Variants in CSMD1 observed in about 807,000 individuals in gnomAD.
CSMD1 encodes CUB and sushi domain-containing protein 1.
A neutral mutation model predicts 417.5 loss-of-function variants in CSMD1; 213 were observed. The observed-to-expected ratio is 0.51, with a 90% CI of 0.46 to 0.57. CSMD1 has a LOEUF of 0.57. Ranked by LOEUF, CSMD1 falls within the 20% of genes least tolerant of loss-of-function variation. The pLI, the probability that CSMD1 is intolerant of heterozygous loss-of-function variation, is 0.00. For synonymous variants in CSMD1, 2,862 were observed against 1,736.8 expected (o/e 1.65, Z -16.11); for missense variants, 6,923 against 4,529.7 (o/e 1.53, Z -15.17).
intron 2 of CSMD1, among the ~76,000 whole-genome samples, chr8:4,453,305 A>C (rs1424927881): frequency 6.6e-6 from 1 of 151,928 alleles, no homozygotes; most frequent in Non-Finnish European, 1.5e-5. Flanking sequence ...ACTGGCAATC[A>C]ACTGTCCCCA....
chr8:3,971,701 C>T (rs1174666097), intron 5 of CSMD1, among the ~76,000 whole-genome samples: 1 of 152,116 alleles, frequency 6.6e-6, no homozygotes, highest in Non-Finnish European at 1.5e-5. Context: ...TGCAAGGATA[C>T]GAGCCTCTTC....
intron 10 of CSMD1, among the ~76,000 whole-genome samples, chr8:3,496,772 C>T (rs184115615): frequency 1.3e-5 from 2 of 152,018 alleles, no homozygotes; most frequent in East Asian, 1.9e-4. Context: ...GTTGCAGTGA[C>T]CTGAGATCAC....
intron 5 of CSMD1, among the ~76,000 whole-genome samples, chr8:3,927,889 C>T (rs138224513): frequency 8.2e-4 from 124 of 152,086 alleles, no homozygotes; most frequent in African/African-American, 2.9e-3. Context: ...ATATGAGAGT[C>T]GAAGGTTACC....
intron 5 of CSMD1, among the ~76,000 whole-genome samples, chr8:3,911,064 G>C (rs1349107140): frequency 6.6e-6 from 1 of 152,146 alleles, no homozygotes; most frequent in African/African-American, 2.4e-5. Context: ...TCTAGAAATT[G>C]GAGATGACCA....
At chr8:3,159,349 CA>C (rs1250961869) in intron 38 of CSMD1, among the ~76,000 whole-genome samples, 1 of 152,102 alleles carries the variant, frequency 6.6e-6, no homozygotes, top group Non-Finnish European at 1.5e-5. Context: ...CTAGTTTTTA[CA>C]CCAATGGGAA....
At chr8:3,632,378 T>C (rs1796827667) in intron 7 of CSMD1, among the ~76,000 whole-genome samples, 1 of 152,060 alleles carries the variant, frequency 6.6e-6, no homozygotes, top group Non-Finnish European at 1.5e-5. Flanking sequence ...CTCAATGACT[T>C]ATTGAATCAA....
chr8:4,125,170 T>C (rs552460498), intron 3 of CSMD1, among the ~76,000 whole-genome samples: 1 of 151,972 alleles, frequency 6.6e-6, no homozygotes, highest in Non-Finnish European at 1.5e-5. Flanking sequence ...AAAAGGAAGA[T>C]AACTCTTGGG....
chr8:4,315,823 G>T (rs1234207343), intron 3 of CSMD1, among the ~76,000 whole-genome samples: 1 of 152,064 alleles, frequency 6.6e-6, no homozygotes, highest in Non-Finnish European at 1.5e-5. Context: ...TTATTCTTCA[G>T]AAGCGTTTTC....
At chr8:4,338,438 A>C (rs549553050) in intron 3 of CSMD1, among the ~76,000 whole-genome samples, 4 of 152,250 alleles carry the variant, frequency 2.6e-5, no homozygotes, top group African/African-American at 7.2e-5. Context: ...AGAGCCATGC[A>C]AACAAGAAAC....
intron 2 of CSMD1, among the ~76,000 whole-genome samples, chr8:4,435,145 A>G (rs1191445110): frequency 6.6e-6 from 1 of 152,196 alleles, no homozygotes; most frequent in East Asian, 1.9e-4. Flanking sequence ...TATCAGTAAT[A>G]TATTATTTTT....
intron 2 of CSMD1, among the ~76,000 whole-genome samples, chr8:4,455,929 CAAAAAAAAAAA>C (rs71207091): frequency 0.053 from 610 of 11,606 alleles, 10 homozygotes; most frequent in Middle Eastern, 0.25. Context: ...ACTCCAACTC[CAAAAAAAAAAA>C]AAAAAAAAAA....
intron 1 of CSMD1, among the ~76,000 whole-genome samples, chr8:4,734,974 T>C (rs1235761144): frequency 6.6e-6 from 1 of 152,174 alleles, no homozygotes; most frequent in Non-Finnish European, 1.5e-5. Context: ...AAAGTTTCCA[T>C]ATGGATGTTA....
rs191269080 is a variant in CSMD1, at chr8:3,501,759, C to G, written c.1345-8033G>C. Among the ~76,000 whole-genome samples the G allele has an allele frequency of 3.8e-3, 586 of 152,272 alleles. 10 individuals are homozygous for G. Among genetic ancestry groups the G allele is most frequent in the Admixed American group, 0.036 (553 of 15,284 alleles). On this transcript the variant is annotated intron_variant, in intron 10 of 69. Transcript: ENST00000635120. ...CACGGTTGCAAGAAGAACGATTACA[C>G]ATTTTAAAAGAAAATGCACACTTTC... is the stretch of plus-strand genomic sequence containing the variant.
intron 6 of CSMD1, among the ~76,000 whole-genome samples, chr8:3,715,919 G>T (rs1265621852): frequency 2.6e-5 from 4 of 152,198 alleles, no homozygotes; most frequent in Non-Finnish European, 4.4e-5. Context: ...TGCAGCTGCT[G>T]CAGCCCCTAC....
intron 50 of CSMD1, among the ~76,000 whole-genome samples, chr8:3,045,745 T>A (rs1482934674): frequency 1.3e-5 from 2 of 152,192 alleles, no homozygotes; most frequent in Non-Finnish European, 2.9e-5. Context: ...AGACAGATTC[T>A]CTTCTCCGAT....
At chr8:3,222,932 A>T (rs1175448718) in intron 28 of CSMD1, among the ~76,000 whole-genome samples, 4 of 152,220 alleles carry the variant, frequency 2.6e-5, no homozygotes, top group Non-Finnish European at 1.5e-5. Flanking sequence ...AAAGATCTGC[A>T]GAAAAGGAAA....
At chr8:4,636,285 G>A (rs1369889803) in intron 2 of CSMD1, among the ~76,000 whole-genome samples, 1 of 151,934 alleles carries the variant, frequency 6.6e-6, no homozygotes, top group African/African-American at 2.4e-5. Context: ...CAGACGTACA[G>A]GTATAATTTT....
chr8:3,323,155 G>C (rs1277406204), intron 23 of CSMD1, among the ~76,000 whole-genome samples: 5 of 152,092 alleles, frequency 3.3e-5, no homozygotes, highest in Non-Finnish European at 7.4e-5. Flanking sequence ...TAGGTTGTAT[G>C]ATGTCCAATG....
At chr8:4,056,225 G>T (rs997227120) in intron 3 of CSMD1, among the ~76,000 whole-genome samples, 25 of 151,584 alleles carry the variant, frequency 1.6e-4, no homozygotes, top group Admixed American at 1.2e-3. Context: ...GGGATTACAG[G>T]TGTGTACTCC....
Sources: gnomAD v4.1 joint callset for allele counts (sites outside exome capture counted in the v4.1 genomes callset) on GRCh38, gnomAD v4.1.1 for gene constraint, MANE v1.5 for transcripts, NCBI Gene and HGNC (gene_info 2026-07-23, HGNC 2026-07-21) for gene names.